GRIK2: variants seen among roughly 807,000 people sequenced by gnomAD.
GRIK2 encodes the protein glutamate ionotropic receptor kainate type subunit 2.
GRIK2 carries 32 observed loss-of-function variants against 100.3 expected under a neutral mutation model. The ratio of observed to expected loss-of-function variants is 0.32; its 90% confidence interval spans 0.24 to 0.43. The LOEUF (loss-of-function observed/expected upper bound fraction) is 0.43. Among genes scored for constraint, GRIK2 ranks in the 20% least tolerant of loss-of-function variants. The pLI is 1.00. For synonymous variants in GRIK2, 417 were observed against 389.4 expected (o/e 1.07, Z -0.83); for missense variants, 843 against 1,114.9 (o/e 0.76, Z 3.47).
At chr6:102,018,512 C>G (rs1224010826) in intron 14 of GRIK2, among the ~76,000 whole-genome samples, 1 of 152,020 alleles carries the variant, frequency 6.6e-6, no homozygotes, top group East Asian at 1.9e-4. Context: ...TAGAGTTTAT[C>G]TTTTAGTTTC....
intron 7 of GRIK2, among the ~76,000 whole-genome samples, chr6:101,735,327 A>G (rs568392518): frequency 2.9e-4 from 44 of 152,326 alleles, no homozygotes; most frequent in Non-Finnish European, 6.0e-4. Context: ...ATTGTATTCA[A>G]TATGTTGACA....
chr6:101,751,107 T>C (rs957662309), intron 7 of GRIK2, among the ~76,000 whole-genome samples: 3 of 152,188 alleles, frequency 2.0e-5, no homozygotes, highest in Non-Finnish European at 4.4e-5. Flanking sequence ...ATCTATTTCT[T>C]CTAAATTTTT....
chr6:102,010,085 C>T (rs143573008), intron 14 of GRIK2, among the ~76,000 whole-genome samples: 7 of 152,150 alleles, frequency 4.6e-5, no homozygotes, highest in Middle Eastern at 3.4e-3. Flanking sequence ...GAGAAAGTTA[C>T]AGTATACTCA....
intron 12 of GRIK2, among the ~76,000 whole-genome samples, chr6:101,907,493 A>G (rs981313426): frequency 2.6e-5 from 4 of 151,710 alleles, no homozygotes; most frequent in African/African-American, 4.8e-5. Flanking sequence ...ATATTTAATC[A>G]TAGAACTGGA....
chr6:101,993,690 A>G (rs1582683596), intron 14 of GRIK2: 1 of 150,278 alleles, frequency 6.7e-6, no homozygotes, highest in South Asian at 2.1e-4. Context: ...AAATATGTAC[A>G]TATTTATCTA....
chr6:101,495,189 T>TA (rs964818348), intron 2 of GRIK2, among the ~76,000 whole-genome samples: 4 of 151,860 alleles, frequency 2.6e-5, no homozygotes, highest in African/African-American at 9.7e-5. Flanking sequence ...TCCTAGGTAT[T>TA]AATTCTCTCA....
intron 15 of GRIK2, 49 bp from the exon 16 acceptor site, chr6:102,055,281 T>C: frequency 6.9e-7 from 1 of 1,449,936 alleles, no homozygotes; most frequent in Non-Finnish European, 9.5e-7. Flanking sequence ...CCTTTAATTA[T>C]GAAATTTCAG....
chr6:101,774,012 T>C (rs13209737), intron 7 of GRIK2, among the ~76,000 whole-genome samples: 1 of 152,204 alleles, frequency 6.6e-6, no homozygotes, highest in Non-Finnish European at 1.5e-5. Context: ...ATATGTATTG[T>C]TTCATTTTTT....
At chr6:101,939,711 A>G (rs1003575417) in intron 14 of GRIK2, among the ~76,000 whole-genome samples, 2 of 152,112 alleles carry the variant, frequency 1.3e-5, no homozygotes, top group Non-Finnish European at 2.9e-5. Flanking sequence ...ACATCGTGGG[A>G]CTTTAAATAT....
chr6:101,685,677 C>A (rs1771626626), intron 6 of GRIK2, among the ~76,000 whole-genome samples: 1 of 152,054 alleles, frequency 6.6e-6, no homozygotes, highest in African/African-American at 2.4e-5. Flanking sequence ...AAAGGCTAGT[C>A]TTGGCCTTAG....
intron 2 of GRIK2, among the ~76,000 whole-genome samples, chr6:101,536,672 CT>C (rs1775707892): frequency 6.6e-6 from 1 of 151,576 alleles, no homozygotes; most frequent in Non-Finnish European, 1.5e-5. Flanking sequence ...TGTGATTTTA[CT>C]TCTGGTTGCA....
At chr6:101,896,684 G>A (rs981780368) in intron 12 of GRIK2, among the ~76,000 whole-genome samples, 1 of 151,506 alleles carries the variant, frequency 6.6e-6, no homozygotes, top group African/African-American at 2.4e-5. Context: ...AGAATTGAGT[G>A]GAAAGACTCC....
At chr6:101,943,535 G>A (rs899042061) in intron 14 of GRIK2, among the ~76,000 whole-genome samples, 3 of 152,184 alleles carry the variant, frequency 2.0e-5, no homozygotes, top group Non-Finnish European at 2.9e-5. Flanking sequence ...GTACCCTAAA[G>A]AGCCACAGAA....
At chr6:101,569,895 C>G (rs938512257) in intron 2 of GRIK2, among the ~76,000 whole-genome samples, 19 of 152,160 alleles carry the variant, frequency 1.2e-4, no homozygotes, top group African/African-American at 4.3e-4. Flanking sequence ...TACTTTCTTT[C>G]TTGCCTTCTT....
Position 101,804,338 on chromosome 6 carries a change from G to C in GRIK2, c.1203+1900G>C, listed in dbSNP as rs574694024. ...GTCATAACATAGATACCATGTCCAA[G>C]ATATTTGCAGGGTATTAGAACACAA... On this transcript the variant is annotated intron_variant, in intron 9 of 16. Coordinates refer to ENST00000369134, the MANE Select transcript of GRIK2 (RefSeq NM_021956.5). Among the ~76,000 whole-genome samples, 8 of 152,082 alleles carry C rather than the reference G, an allele frequency of 5.3e-5. No individual in the cohort carries two copies. In the South Asian group the frequency reaches 1.5e-3, roughly 28 times the overall value.
At chr6:101,612,256 G>A (rs1295678952) in intron 2 of GRIK2, among the ~76,000 whole-genome samples, 1 of 151,766 alleles carries the variant, frequency 6.6e-6, no homozygotes, top group African/African-American at 2.4e-5. Context: ...CTACCTTGCA[G>A]GACTGAAACA....
intron 7 of GRIK2, among the ~76,000 whole-genome samples, chr6:101,737,703 CT>C (rs1775738869): frequency 6.6e-6 from 1 of 152,130 alleles, no homozygotes; most frequent in African/African-American, 2.4e-5. Flanking sequence ...GAAACCATGA[CT>C]ACATTTGATC....
chr6:101,787,312 GT>G (rs1397716241), intron 7 of GRIK2, among the ~76,000 whole-genome samples: 1 of 150,630 alleles, frequency 6.6e-6, no homozygotes, highest in Non-Finnish European at 1.5e-5. Context: ...ATTTATTTCA[GT>G]TCTGATCTTT....
At chr6:101,734,490 A>G (rs903109593) in intron 7 of GRIK2, among the ~76,000 whole-genome samples, 1 of 152,208 alleles carries the variant, frequency 6.6e-6, no homozygotes, top group African/African-American at 2.4e-5. Flanking sequence ...AGGGAGGACA[A>G]TTACTCAGTC....
Sources: allele counts gnomAD v4.1 joint callset (sites outside exome capture counted in the v4.1 genomes callset), GRCh38; gene constraint gnomAD v4.1.1; transcripts MANE v1.5; gene names NCBI Gene and HGNC (gene_info 2026-07-23, HGNC 2026-07-21).